CDH18: variants seen among roughly 807,000 people sequenced by gnomAD.
CDH18 encodes the protein cadherin 18.
Under a neutral mutation model 67.9 loss-of-function variants are expected in CDH18, and 31 were observed. That is an observed-to-expected ratio of 0.46 (90% CI 0.34 to 0.62). CDH18 has a LOEUF of 0.62. Ranked by LOEUF, CDH18 falls within the 20% of genes least tolerant of loss-of-function variation. CDH18 has a pLI of 0.01. For missense variants in CDH18, 890 were observed against 975.5 expected, an observed-to-expected ratio of 0.91 and a Z score of 1.17; for synonymous variants, 362 against 347.2, an observed-to-expected ratio of 1.04 and a Z score of -0.48.
chr5:19,846,243 T>G lies in CDH18; in HGVS notation c.-256-7001A>C, dbSNP rs1056151480. On this transcript the variant is annotated intron_variant, in intron 2 of 12. Transcript: ENST00000382275. ...TTCTTATAGTTATAACAATCTATTT[T>G]AAGCTGATAACAAATTATATTCAAT... Among the ~76,000 whole-genome samples the G allele has an allele frequency of 2.6e-5, 4 of 152,126 alleles. No homozygotes were observed. In the East Asian group the frequency reaches 7.7e-4, roughly 29 times the overall value.
intron 2 of CDH18, among the ~76,000 whole-genome samples, chr5:19,840,093 T>A (rs1361239316): frequency 2.4e-5 from 3 of 123,228 alleles, no homozygotes; most frequent in African/African-American, 8.5e-5. Context: ...CCGTCTCTAG[T>A]AAAAATAAAA....
At chr5:20,115,270 CTTTTTTTTTT>C (rs753438800) in intron 2 of CDH18, among the ~76,000 whole-genome samples, 5 of 58,138 alleles carry the variant, frequency 8.6e-5, no homozygotes, top group Non-Finnish European at 1.4e-4. Flanking sequence ...AGGGCCTCAT[CTTTTTTTTTT>C]TTTTTTTTTT....
At chr5:19,534,897 A>C (rs1749179693) in intron 9 of CDH18, among the ~76,000 whole-genome samples, 1 of 152,172 alleles carries the variant, frequency 6.6e-6, no homozygotes, top group African/African-American at 2.4e-5. Context: ...CTGCCATGAC[A>C]ATCAAGACAC....
intron 5 of CDH18, among the ~76,000 whole-genome samples, chr5:19,714,319 G>C (rs1765082538): frequency 6.6e-6 from 1 of 152,092 alleles, no homozygotes; most frequent in Non-Finnish European, 1.5e-5. Context: ...AGTAAAATCA[G>C]AGTTATGATA....
intron 2 of CDH18, among the ~76,000 whole-genome samples, chr5:19,952,969 C>A (rs1795943642): frequency 1.3e-5 from 2 of 152,150 alleles, no homozygotes; most frequent in Middle Eastern, 3.4e-3. Flanking sequence ...ACTTATCTGA[C>A]AAGGAAATTA....
chr5:19,775,046 A>C (rs981131455), intron 3 of CDH18, among the ~76,000 whole-genome samples: 4 of 152,054 alleles, frequency 2.6e-5, no homozygotes, highest in African/African-American at 9.7e-5. Flanking sequence ...AAATTGACCA[A>C]GACAGGAACC....
At chr5:20,312,748 G>C (rs771029034) in intron 1 of CDH18, among the ~76,000 whole-genome samples, 26 of 152,060 alleles carry the variant, frequency 1.7e-4, no homozygotes, top group Admixed American at 1.7e-3. Flanking sequence ...TAGTCTTAAA[G>C]ATAGTTTAGA....
intron 2 of CDH18, among the ~76,000 whole-genome samples, chr5:19,874,195 G>A (rs1786672782): frequency 6.6e-6 from 1 of 152,122 alleles, no homozygotes; most frequent in South Asian, 2.1e-4. Context: ...CTGGTGAAAT[G>A]TGATCTATAT....
chr5:20,399,531 A>T (rs889292622), intron 1 of CDH18, among the ~76,000 whole-genome samples: 1 of 152,194 alleles, frequency 6.6e-6, no homozygotes, highest in African/African-American at 2.4e-5. Flanking sequence ...GAAAAACTTG[A>T]ATTCGATATT....
At chr5:20,418,441 C>T (rs147096027) in intron 1 of CDH18, among the ~76,000 whole-genome samples, 152 of 151,522 alleles carry the variant, frequency 1.0e-3, no homozygotes, top group Non-Finnish European at 1.7e-3. Flanking sequence ...TACAACTCCT[C>T]CAGGGGAGAG....
At chr5:20,026,833 T>A (rs1283359120) in intron 2 of CDH18, among the ~76,000 whole-genome samples, 1 of 152,104 alleles carries the variant, frequency 6.6e-6, no homozygotes, top group Non-Finnish European at 1.5e-5. Flanking sequence ...GGTGGGCACC[T>A]GTAGTCCCAG....
At chr5:19,838,176 T>A (rs971419289) in intron 3 of CDH18, among the ~76,000 whole-genome samples, 2 of 152,180 alleles carry the variant, frequency 1.3e-5, no homozygotes, top group African/African-American at 4.8e-5. Context: ...TTAAAAGATT[T>A]CAATGTTTTT....
intron 1 of CDH18, among the ~76,000 whole-genome samples, chr5:20,317,362 A>G (rs1458936455): frequency 6.6e-6 from 1 of 152,134 alleles, no homozygotes; most frequent in Non-Finnish European, 1.5e-5. Context: ...CTGTTTTAAA[A>G]GTTTATATTA....
At chr5:20,381,255 C>A (rs553212356) in intron 1 of CDH18, among the ~76,000 whole-genome samples, 1 of 152,282 alleles carries the variant, frequency 6.6e-6, no homozygotes, top group East Asian at 1.9e-4. Flanking sequence ...TTAAGTCACA[C>A]AGCCTGTGGT....
intron 1 of CDH18, among the ~76,000 whole-genome samples, chr5:20,422,494 T>A (rs1560986703): frequency 6.6e-6 from 1 of 151,142 alleles, no homozygotes; most frequent in Non-Finnish European, 1.5e-5. Context: ...AAATTAATAA[T>A]GTAAGATAAA....
intron 5 of CDH18, among the ~76,000 whole-genome samples, chr5:19,647,363 A>G (rs1011522973): frequency 6.1e-5 from 6 of 99,098 alleles, no homozygotes; most frequent in African/African-American, 1.6e-4. Context: ...TCTACTAAAA[A>G]TAACAACAAA....
Position 19,671,547 on chromosome 5 carries a change from C to A in CDH18, c.643+49800G>T, listed in dbSNP as rs576993227. On this transcript the variant is annotated intron_variant, in intron 5 of 12. Coordinates refer to ENST00000382275, the MANE Select transcript of CDH18 (RefSeq NM_004934.5). ...TAGAGTTCCAAATATGGATAAAATTCACCTGATGAGAATTGCTGAATCTTG... is the reference window on the plus strand; with the variant it reads ...TAGAGTTCCAAATATGGATAAAATTAACCTGATGAGAATTGCTGAATCTTG... Among the ~76,000 whole-genome samples, 8 of 152,156 alleles carry A rather than the reference C, an allele frequency of 5.3e-5. No homozygotes were observed. The South Asian group carries it at 1.7e-3, about 32-fold the overall frequency.
At chr5:20,453,768 C>T (rs1316208878) in intron 1 of CDH18, among the ~76,000 whole-genome samples, 2 of 151,996 alleles carry the variant, frequency 1.3e-5, no homozygotes, top group Non-Finnish European at 2.9e-5. Context: ...ATTTTCATAT[C>T]CTTGAGCAAA....
chr5:19,926,141 G>GA (rs1186618070), intron 2 of CDH18, among the ~76,000 whole-genome samples: 1 of 151,484 alleles, frequency 6.6e-6, no homozygotes, highest in Non-Finnish European at 1.5e-5. Flanking sequence ...TGTATTTATT[G>GA]AAAAAAATTG....
Sources: allele counts gnomAD v4.1 joint callset (sites outside exome capture counted in the v4.1 genomes callset), GRCh38; gene constraint gnomAD v4.1.1; transcripts MANE v1.5; gene names NCBI Gene and HGNC (gene_info 2026-07-23, HGNC 2026-07-21).